RBMS3: variants seen among roughly 807,000 people sequenced by gnomAD.
RBMS3 encodes RNA binding motif single stranded interacting protein 3.
RBMS3 carries 27 observed loss-of-function variants against 66.8 expected under a neutral mutation model. The observed-to-expected ratio is 0.40, with a 90% CI of 0.30 to 0.56. The LOEUF (loss-of-function observed/expected upper bound fraction) is 0.56, where lower values mean the gene tolerates loss of function less well. Among genes scored for constraint, RBMS3 ranks in the 20% least tolerant of loss-of-function variants. The pLI is 0.40. For missense variants in RBMS3, 513 were observed against 549.5 expected (o/e 0.93, Z 0.66); for synonymous variants, 188 against 183.0 (o/e 1.03, Z -0.22).
chr3:29,824,149 A>G (rs1056155957), intron 6 of RBMS3, among the ~76,000 whole-genome samples: 1 of 150,118 alleles, frequency 6.7e-6, no homozygotes. Context: ...CATGTGTTGA[A>G]ATCCTAACCT....
rs537671033 is a variant in RBMS3, at chr3:29,694,663, T to G, written c.400-45057T>G. On this transcript the variant is annotated intron_variant, in intron 4 of 14. Coordinates refer to ENST00000383767, the MANE Select transcript of RBMS3 (RefSeq NM_001003793.3). ...TAGGAAGTTTCTGAATTTCTAGGTATTTCAGGATTTGCATATACTTAGAGT... is the reference window on the plus strand; with the variant it reads ...TAGGAAGTTTCTGAATTTCTAGGTAGTTCAGGATTTGCATATACTTAGAGT... 1.8e-3 allele frequency among the ~76,000 whole-genome samples: 278 copies of G among 152,242 alleles called. 1 individual carries two copies. The highest frequency in any genetic ancestry group is 3.3e-3 in the Non-Finnish European group (222 of 68,016).
At chr3:29,417,593 TC>T (rs947229367) in intron 1 of RBMS3, among the ~76,000 whole-genome samples, 1 of 152,110 alleles carries the variant, frequency 6.6e-6, no homozygotes, top group African/African-American at 2.4e-5. Flanking sequence ...AAAAAGAATG[TC>T]CCCCTTTCTG....
intron 9 of RBMS3, among the ~76,000 whole-genome samples, chr3:29,898,262 A>G (rs2149604661): frequency 6.6e-6 from 1 of 151,826 alleles, no homozygotes; most frequent in East Asian, 1.9e-4. Context: ...ACGCCTATAT[A>G]TATGCTGCAC....
intron 6 of RBMS3, among the ~76,000 whole-genome samples, chr3:29,843,916 C>T (rs570333377): frequency 3.7e-4 from 56 of 151,608 alleles, no homozygotes; most frequent in Non-Finnish European, 7.1e-4. Flanking sequence ...TGCTCCACTG[C>T]ACTCCAGCCT....
At chr3:29,591,985 G>C (rs1401444986) in intron 4 of RBMS3, among the ~76,000 whole-genome samples, 1 of 151,876 alleles carries the variant, frequency 6.6e-6, no homozygotes, top group Non-Finnish European at 1.5e-5. Flanking sequence ...TAGCTTGAAA[G>C]GCATAATGTA....
chr3:29,333,205 A>T (rs1032881291), intron 1 of RBMS3, among the ~76,000 whole-genome samples: 10 of 152,248 alleles, frequency 6.6e-5, no homozygotes, highest in Non-Finnish European at 1.3e-4. Context: ...GCAAACTCTA[A>T]AACTATATTT....
At chr3:29,683,506 T>C (rs970021501) in intron 4 of RBMS3, among the ~76,000 whole-genome samples, 4 of 152,068 alleles carry the variant, frequency 2.6e-5, no homozygotes, top group African/African-American at 9.7e-5. Context: ...TTTAGGAAAG[T>C]GTGAAGTTTA....
chr3:29,983,918 G>T (rs1485366700), intron 12 of RBMS3, among the ~76,000 whole-genome samples: 1 of 152,034 alleles, frequency 6.6e-6, no homozygotes, highest in Non-Finnish European at 1.5e-5. Context: ...GGAGTATATT[G>T]TGGTGTTCTC....
chr3:29,681,725 G>T (rs2051506059), intron 4 of RBMS3, among the ~76,000 whole-genome samples: 1 of 152,162 alleles, frequency 6.6e-6, no homozygotes, highest in Non-Finnish European at 1.5e-5. Context: ...TGGTGTATAT[G>T]TACCACATTT....
At chr3:29,901,929 C>T (rs577394332) in intron 10 of RBMS3, among the ~76,000 whole-genome samples, 1 of 151,912 alleles carries the variant, frequency 6.6e-6, no homozygotes, top group East Asian at 1.9e-4. Flanking sequence ...GTTGGCTGTC[C>T]ATATTACATA....
intron 1 of RBMS3, among the ~76,000 whole-genome samples, chr3:29,431,449 T>C (rs1340083696): frequency 5.9e-5 from 9 of 151,808 alleles, no homozygotes; most frequent in African/African-American, 2.4e-5. Flanking sequence ...CATACCACCA[T>C]GCCCAGCTAA....
At chr3:29,850,337 A>T (rs2058900053) in intron 6 of RBMS3, among the ~76,000 whole-genome samples, 1 of 152,192 alleles carries the variant, frequency 6.6e-6, no homozygotes, top group Non-Finnish European at 1.5e-5. Context: ...AGACAGGACC[A>T]TGAAGGAGGC....
chr3:29,810,273 C>T (rs2057693002), intron 6 of RBMS3, among the ~76,000 whole-genome samples: 1 of 152,068 alleles, frequency 6.6e-6, no homozygotes, highest in African/African-American at 2.4e-5. Flanking sequence ...ACAACATTCT[C>T]TACATCTCCA....
chr3:29,391,297 T>C (rs1031268965), intron 1 of RBMS3: 5 of 153,038 alleles, frequency 3.3e-5, no homozygotes, highest in African/African-American at 1.2e-4. Flanking sequence ...AAAGGCAGGC[T>C]ATCTATTGAA....
At chr3:29,296,962 A>C (rs1398937274) in intron 1 of RBMS3, among the ~76,000 whole-genome samples, 1 of 151,636 alleles carries the variant, frequency 6.6e-6, no homozygotes, top group Non-Finnish European at 1.5e-5. Flanking sequence ...CACACTTAAA[A>C]ATCATTAATA....
chr3:29,615,582 A>C (rs2048642285), intron 4 of RBMS3, among the ~76,000 whole-genome samples: 1 of 152,110 alleles, frequency 6.6e-6, no homozygotes, highest in African/African-American at 2.4e-5. Context: ...AAATACAATA[A>C]AAAGATGTAT....
chr3:29,659,402 G>A (rs2050448309), intron 4 of RBMS3, among the ~76,000 whole-genome samples: 1 of 151,926 alleles, frequency 6.6e-6, no homozygotes, highest in South Asian at 2.1e-4. Flanking sequence ...CCATTCCCCA[G>A]TCACTGGCAA....
In RBMS3 at chr3:29,981,930, C is replaced by T. The variant is rs117261258; in HGVS notation, c.1099-6213C>T. Among the ~76,000 whole-genome samples the T allele has an allele frequency of 2.6e-3, 395 of 152,216 alleles. 17 individuals are homozygous for T. The East Asian group carries it at 0.063, about 24-fold the overall frequency. On this transcript the variant is annotated intron_variant, in intron 12 of 14. Coordinates refer to ENST00000383767, the MANE Select transcript of RBMS3 (RefSeq NM_001003793.3). The stretch of plus-strand genomic sequence containing the variant: ...CCAGGTTTTGGTATCGGGGTGATGC[C>T]GGCCTCATAAAATGAGTTAGGGAGG...
chr3:29,549,059 G>GTTT (rs5847579), intron 3 of RBMS3, among the ~76,000 whole-genome samples: 5,685 of 85,294 alleles, frequency 0.067, 297 homozygotes, highest in African/African-American at 0.085. Flanking sequence ...TCCTACTTCT[G>GTTT]TTTTTTTTTT....
Sources: allele counts gnomAD v4.1 joint callset (sites outside exome capture counted in the v4.1 genomes callset), GRCh38; gene constraint gnomAD v4.1.1; transcripts MANE v1.5; gene names NCBI Gene and HGNC (gene_info 2026-07-23, HGNC 2026-07-21).